The following PRKN variants were observed in gnomAD, a reference collection of about 807,000 sequenced individuals.
PRKN encodes the protein parkin RBR E3 ubiquitin protein ligase.
A neutral mutation model predicts 59.5 loss-of-function variants in PRKN; 56 were observed. The observed-to-expected ratio is 0.94, with a 90% CI of 0.76 to 1.18. The LOEUF (loss-of-function observed/expected upper bound fraction) is 1.18, where lower values mean the gene tolerates loss of function less well. Among genes scored for constraint, PRKN ranks in the 50% most tolerant of loss-of-function variants. The probability of loss-of-function intolerance (pLI) is 0.00; values close to 1 mark genes in which losing one functional copy is unlikely to be tolerated. For missense variants in PRKN, 657 were observed against 596.4 expected, an observed-to-expected ratio of 1.10 and a Z score of -1.06; for synonymous variants, 250 against 222.1, an observed-to-expected ratio of 1.13 and a Z score of -1.12.
intron 5 of PRKN, among the ~76,000 whole-genome samples, chr6:161,992,550 T>A (rs1427979456): frequency 6.6e-6 from 1 of 152,152 alleles, no homozygotes. Flanking sequence ...GATAGATCTA[T>A]GAGATAGAAA....
chr6:161,533,627 C>A lies in PRKN; in HGVS notation c.1083+15227G>T, dbSNP rs1415712976. Reference sequence around the variant, plus strand: ...AAGTAAACGTCACACCTGGTCAAACCAATCTGTGAGCCCTACGTAAATCAG... The same window carrying A: ...AAGTAAACGTCACACCTGGTCAAACAAATCTGTGAGCCCTACGTAAATCAG... On this transcript the variant is annotated intron_variant, in intron 9 of 11. Coordinates refer to ENST00000366898, the MANE Select transcript of PRKN (RefSeq NM_004562.3). The surrounding 1 kb of genome is among the most constrained non-coding windows in gnomAD (Gnocchi z 4.1). Among the ~76,000 whole-genome samples the A allele has an allele frequency of 1.3e-5, 2 of 152,090 alleles. No homozygotes were observed. Among genetic ancestry groups the A allele is most frequent in the African/African-American group, 4.8e-5 (2 of 41,438 alleles).
intron 5 of PRKN, among the ~76,000 whole-genome samples, chr6:162,002,853 C>A (rs77434756): frequency 6.6e-6 from 1 of 151,956 alleles, no homozygotes; most frequent in South Asian, 2.1e-4. Flanking sequence ...ATTTCAAATA[C>A]TCTTGTGATT....
At chr6:161,816,613 C>T (rs977009221) in intron 6 of PRKN, among the ~76,000 whole-genome samples, 1 of 151,892 alleles carries the variant, frequency 6.6e-6, no homozygotes, top group East Asian at 1.9e-4. Context: ...TCTCACAATG[C>T]AGCTGGAGGG....
chr6:161,609,714 CA>C (rs1782418383), intron 7 of PRKN, among the ~76,000 whole-genome samples: 1 of 152,152 alleles, frequency 6.6e-6, no homozygotes, highest in African/African-American at 2.4e-5. Flanking sequence ...GAAAACACTG[CA>C]AGTGAAGATC....
chr6:162,047,112 A>C (rs1336253114), intron 5 of PRKN, among the ~76,000 whole-genome samples: 2 of 152,198 alleles, frequency 1.3e-5, no homozygotes, highest in Non-Finnish European at 2.9e-5. Context: ...TTGACTTCAA[A>C]GTTTTCACAA....
intron 1 of PRKN, among the ~76,000 whole-genome samples, chr6:162,687,003 C>T (rs1263733617): frequency 6.6e-6 from 1 of 151,722 alleles, no homozygotes; most frequent in East Asian, 1.9e-4. Context: ...TTAGGCTTTG[C>T]TTTTTTATTT....
rs764575367 is a variant in PRKN, at chr6:161,871,226, G to GT, written c.735-85319dup. On this transcript the variant is annotated intron_variant, in intron 6 of 11. Transcript: ENST00000366898. ...TTTGGAAAATACACCATCACAGAAT[G>GT]TTTCTTATTTTACATCATTAGACGT... Among the ~76,000 whole-genome samples, 77 of 152,168 alleles carry GT rather than the reference G, an allele frequency of 5.1e-4. No individual in the cohort carries two copies. In the Middle Eastern group the frequency reaches 0.01, roughly 20 times the overall value.
intron 5 of PRKN, among the ~76,000 whole-genome samples, chr6:162,049,742 T>A (rs1275960097): frequency 2.6e-5 from 4 of 152,176 alleles, no homozygotes; most frequent in Admixed American, 1.3e-4. Context: ...TGTAACAGAT[T>A]TTTAGAGTTA....
At chr6:162,090,893 G>A (rs917981577) in intron 4 of PRKN, among the ~76,000 whole-genome samples, 11 of 152,150 alleles carry the variant, frequency 7.2e-5, no homozygotes, top group Non-Finnish European at 5.9e-5. Context: ...AGACGCCACA[G>A]TCTGAGTTCT....
At chr6:161,779,440 C>CTTTTCTTTT (rs1790102520) in intron 7 of PRKN, among the ~76,000 whole-genome samples, 3 of 41,850 alleles carry the variant, frequency 7.2e-5, no homozygotes, top group Non-Finnish European at 1.2e-4. Context: ...CTTTTCTTTT[C>CTTTTCTTTT]TTTTTTTTTT....
intron 1 of PRKN, among the ~76,000 whole-genome samples, chr6:162,698,806 G>A (rs542989705): frequency 4.8e-4 from 73 of 152,238 alleles, no homozygotes; most frequent in African/African-American, 1.7e-3. Context: ...TAGAGCCTAA[G>A]TCCCTTAGTT....
chr6:162,204,981 A>G (rs1784878487), intron 3 of PRKN, among the ~76,000 whole-genome samples: 1 of 150,882 alleles, frequency 6.6e-6, no homozygotes, highest in Non-Finnish European at 1.5e-5. Flanking sequence ...TCCTGCCTCA[A>G]CCTCCTGAGT....
At chr6:161,826,893 T>G (rs187765286) in intron 6 of PRKN, among the ~76,000 whole-genome samples, 2 of 152,300 alleles carry the variant, frequency 1.3e-5, no homozygotes, top group Admixed American at 1.3e-4. Context: ...CTTCTGGAAA[T>G]CTAAATCCCA....
chr6:162,328,701 G>A (rs558388333), intron 2 of PRKN, among the ~76,000 whole-genome samples: 5 of 152,184 alleles, frequency 3.3e-5, no homozygotes, highest in Non-Finnish European at 5.9e-5. Context: ...CCAAGCCTTG[G>A]TGAAGCTTCA....
intron 1 of PRKN, among the ~76,000 whole-genome samples, chr6:162,681,170 G>A (rs562169392): frequency 3.3e-5 from 5 of 152,048 alleles, no homozygotes; most frequent in Admixed American, 3.3e-4. Flanking sequence ...GTAAGAATGT[G>A]GAAGAAAAAT....
chr6:162,432,731 T>C (rs1789598031), intron 2 of PRKN, among the ~76,000 whole-genome samples: 1 of 152,224 alleles, frequency 6.6e-6, no homozygotes, highest in African/African-American at 2.4e-5. Context: ...GGTCTTAGAA[T>C]GTATTTTCTC....
intron 1 of PRKN, chr6:162,568,650 C>A: frequency 2.2e-6 from 2 of 927,216 alleles, no homozygotes; most frequent in Non-Finnish European, 1.8e-6. Context: ...GTTCCTGGAG[C>A]AGCAGAACAA....
intron 9 of PRKN, among the ~76,000 whole-genome samples, chr6:161,517,083 G>A (rs576040896): frequency 1.3e-5 from 2 of 152,260 alleles, no homozygotes; most frequent in South Asian, 4.1e-4. Flanking sequence ...AACAGGTTTT[G>A]TAATTGCCTT....
At chr6:162,010,556 T>A (rs1356609330) in intron 5 of PRKN, among the ~76,000 whole-genome samples, 199 of 15,464 alleles carry the variant, frequency 0.013, 59 homozygotes, top group African/African-American at 0.099. Context: ...TATTATATAT[T>A]ATATAATATA....
Sources: allele counts gnomAD v4.1 joint callset (sites outside exome capture counted in the v4.1 genomes callset), GRCh38; gene constraint gnomAD v4.1.1; non-coding constraint Gnocchi (gnomAD v3.1); transcripts MANE v1.5; gene names NCBI Gene and HGNC (gene_info 2026-07-23, HGNC 2026-07-21).